JAKMIP3: variants seen among roughly 807,000 people sequenced by gnomAD.
JAKMIP3 encodes janus kinase and microtubule-interacting protein 3.
JAKMIP3 carries 58 observed loss-of-function variants against 118.5 expected under a neutral mutation model. The observed-to-expected ratio is 0.49, with a 90% CI of 0.40 to 0.61. JAKMIP3 has a LOEUF of 0.61. JAKMIP3 is among the 20% of genes least tolerant of loss of function. JAKMIP3 has a pLI of 0.00. For synonymous variants in JAKMIP3, 486 were observed against 451.2 expected, an observed-to-expected ratio of 1.08 and a Z score of -0.98; for missense variants, 950 against 1,109.0, an observed-to-expected ratio of 0.86 and a Z score of 2.04.
chr10:132,086,691 T>C (rs1393088311), intron 1 of JAKMIP3, among the ~76,000 whole-genome samples: 3 of 152,262 alleles, frequency 2.0e-5, no homozygotes, highest in Non-Finnish European at 4.4e-5. Context: ...TGCTCCCTTT[T>C]GGTGTCCATT....
chr10:132,048,180 G>A (rs1320167937), intron 1 of JAKMIP3, among the ~76,000 whole-genome samples: 1 of 152,252 alleles, frequency 6.6e-6, no homozygotes, highest in Non-Finnish European at 1.5e-5. Flanking sequence ...GGCTGAGGTT[G>A]TGTCTGCTGG....
intron 23 of JAKMIP3, among the ~76,000 whole-genome samples, chr10:132,178,136 G>C (rs545819423): frequency 6.6e-6 from 1 of 152,384 alleles, no homozygotes; most frequent in East Asian, 1.9e-4. Context: ...GGGAGCTGTA[G>C]AGCCAAAATC....
intron 3 of JAKMIP3, among the ~76,000 whole-genome samples, chr10:132,119,154 C>T (rs2135391147): frequency 6.6e-6 from 1 of 152,154 alleles, no homozygotes; most frequent in East Asian, 1.9e-4. Flanking sequence ...CCTGTGTCTT[C>T]ACTCTCCATC....
intron 14 of JAKMIP3, among the ~76,000 whole-genome samples, chr10:132,148,983 G>A (rs1054092618): frequency 3.4e-4 from 52 of 152,282 alleles, no homozygotes; most frequent in African/African-American, 1.2e-3. Flanking sequence ...GGACGACCTC[G>A]GCCACGTGGG....
intron 16 of JAKMIP3, 45 bp downstream of exon 16, chr10:132,150,086 C>CCCCAG (rs907460415): frequency 3.3e-5 from 50 of 1,505,840 alleles, no homozygotes; most frequent in African/African-American, 5.6e-5. Flanking sequence ...CACCCACAAC[C>CCCCAG]CCCAGCCCAG....
intron 1 of JAKMIP3, among the ~76,000 whole-genome samples, chr10:132,072,107 A>G (rs1589748318): frequency 6.6e-6 from 1 of 151,954 alleles, no homozygotes; most frequent in Admixed American, 6.6e-5. Flanking sequence ...ATGCACCACC[A>G]TGCCCGGCTA....
chr10:132,086,730 A>T (rs552801943), intron 1 of JAKMIP3, among the ~76,000 whole-genome samples: 1 of 152,012 alleles, frequency 6.6e-6, no homozygotes, highest in South Asian at 2.1e-4. Context: ...CCACCCCTTT[A>T]CCTTAAGTTT....
chr10:132,159,841 T>C (rs1328741592), intron 19 of JAKMIP3, among the ~76,000 whole-genome samples: 1 of 69,978 alleles, frequency 1.4e-5, no homozygotes. Flanking sequence ...CCCTGTGTGA[T>C]GCTGGGGGGC....
intron 1 of JAKMIP3, among the ~76,000 whole-genome samples, chr10:132,039,658 C>T (rs1054744955): frequency 6.6e-5 from 10 of 152,204 alleles, no homozygotes; most frequent in African/African-American, 1.9e-4. Context: ...CCCTCCATAG[C>T]GCTGGGCTGT....
chr10:132,180,622 TGTGCGTGTGTGC>T lies in JAKMIP3; in HGVS notation c.*1104-1719_*1104-1708del, dbSNP rs1429397361. On this transcript the variant is annotated intron_variant, in intron 23 of 23. Coordinates refer to ENST00000684848, the MANE Select transcript of JAKMIP3 (RefSeq NM_001323087.2). ...GCGTGCGCGTGTGTGTGTGCGTGTG[TGTGCGTGTGTGC>T]GTGCGTGTGTGCGTGTGCGTGTGCG... Among the ~76,000 whole-genome samples, 27 of 43,014 alleles carry T rather than the reference TGTGCGTGTGTGC, an allele frequency of 6.3e-4. 8 individuals carry two copies. The highest frequency in any genetic ancestry group is 1.0e-3 in the South Asian group (1 of 984). The allele number at this position is 43,014 out of a possible 152,430, so 28.2% of individuals were successfully genotyped here.
In JAKMIP3 at chr10:132,040,217, G is replaced by A. The variant is rs1347888144; in HGVS notation, c.-138+3479G>A. Among the ~76,000 whole-genome samples the A allele has an allele frequency of 3.3e-5, 5 of 152,170 alleles. No homozygotes were observed. In the East Asian group the frequency reaches 9.6e-4, roughly 29 times the overall value. ...CTTACAAGAAGGGACATGGGATCGG[G>A]CTCTCTCCACAGGGCACAGAGGCAG... On this transcript the variant is annotated intron_variant, in intron 1 of 23. Transcript: ENST00000657785.
At chr10:132,040,583 T>C (rs2037710013) in intron 1 of JAKMIP3, among the ~76,000 whole-genome samples, 1 of 152,190 alleles carries the variant, frequency 6.6e-6, no homozygotes, top group South Asian at 2.1e-4. Flanking sequence ...CAGTTCCTTA[T>C]AAAGTATTTT....
At chr10:132,124,479 A>G (rs951312201) in intron 3 of JAKMIP3, among the ~76,000 whole-genome samples, 1 of 135,852 alleles carries the variant, frequency 7.4e-6, no homozygotes, top group Non-Finnish European at 1.6e-5. Context: ...ATACACGTCC[A>G]TTGCCACACA....
chr10:132,177,521 A>AGTGT (rs4009680), intron 23 of JAKMIP3, among the ~76,000 whole-genome samples: 1,999 of 144,822 alleles, frequency 0.014, 26 homozygotes, highest in African/African-American at 0.031. Context: ...TGCCCTGGGT[A>AGTGT]GTGTGTGTGT....
At chr10:132,042,404 C>T (rs2037791614) in intron 1 of JAKMIP3, among the ~76,000 whole-genome samples, 1 of 152,078 alleles carries the variant, frequency 6.6e-6, no homozygotes. Context: ...AGAGACGGGT[C>T]TCTCTCTTGT....
chr10:132,143,123 CCCT>C (rs2053885041), intron 11 of JAKMIP3, among the ~76,000 whole-genome samples: 1 of 152,030 alleles, frequency 6.6e-6, no homozygotes, highest in Non-Finnish European at 1.5e-5. Flanking sequence ...CCCCTCTGTG[CCCT>C]CCTCCTGTCC....
rs563562125 is a variant in JAKMIP3, at chr10:132,036,896, G to A, written c.-138+158G>A. ...CCGCGGCAGAGACGCCCCTGTCTGG[G>A]GCGGGGTCCTCCTTGCCTCTCCCGG... On this transcript the variant is annotated intron_variant, in intron 1 of 23. Transcript: ENST00000657785. 1.1e-4 allele frequency among the ~76,000 whole-genome samples: 17 copies of A among 152,146 alleles called. No individual in the cohort carries two copies. In the South Asian group the frequency reaches 3.5e-3, roughly 32 times the overall value.
intron 23 of JAKMIP3, among the ~76,000 whole-genome samples, chr10:132,172,317 G>A (rs894128537): frequency 1.3e-4 from 20 of 152,074 alleles, no homozygotes; most frequent in African/African-American, 4.6e-4. Context: ...CACTGAGGCC[G>A]TAACCTTGAT....
At chr10:132,038,996 G>A (rs77055161) in intron 1 of JAKMIP3, among the ~76,000 whole-genome samples, 19,946 of 152,152 alleles carry the variant, frequency 0.13, 1,420 homozygotes, top group Middle Eastern at 0.16. Flanking sequence ...CAGCGGAGCC[G>A]CTCGTGAGGC....
Sources: allele counts gnomAD v4.1 joint callset (sites outside exome capture counted in the v4.1 genomes callset), GRCh38; gene constraint gnomAD v4.1.1; transcripts MANE v1.5; gene names NCBI Gene and HGNC (gene_info 2026-07-23, HGNC 2026-07-21).